The following CMKLR1 variants were observed in gnomAD, a reference collection of about 807,000 sequenced individuals.
CMKLR1 encodes chemerin-like receptor 1.
In CMKLR1, 6 loss-of-function variants were observed where a neutral mutation model predicts 8.2. The ratio of observed to expected loss-of-function variants is 0.73; its 90% CI spans 0.40 to 1.44. The LOEUF is 1.44. CMKLR1 is among the 40% of genes most tolerant of loss of function. CMKLR1 has a pLI of 0.02. For missense variants in CMKLR1, 429 were observed against 478.0 expected (o/e 0.90, Z 0.96); for synonymous variants, 178 against 181.2 (o/e 0.98, Z 0.14).
intron 2 of CMKLR1, among the ~76,000 whole-genome samples, chr12:108,314,001 C>T (rs773876380): frequency 3.3e-5 from 5 of 152,112 alleles, no homozygotes; most frequent in African/African-American, 1.2e-4. Context: ...CTTTGCCAGC[C>T]GACCCCCACC....
intron 2 of CMKLR1, among the ~76,000 whole-genome samples, chr12:108,327,618 A>G (rs1892008649): frequency 1.3e-5 from 2 of 152,224 alleles, no homozygotes; most frequent in Admixed American, 6.5e-5. Flanking sequence ...AGTGTCTGTG[A>G]AGCCAGCAGG....
chr12:108,329,126 T>A (rs187914005), intron 2 of CMKLR1, among the ~76,000 whole-genome samples: 1 of 152,364 alleles, frequency 6.6e-6, no homozygotes, highest in Admixed American at 6.5e-5. Context: ...GTCTGGAATC[T>A]TCCATTGTCC....
chr12:108,302,019 G>C (rs1160458654), intron 2 of CMKLR1, among the ~76,000 whole-genome samples: 1 of 152,078 alleles, frequency 6.6e-6, no homozygotes, highest in African/African-American at 2.4e-5. Flanking sequence ...AACCCAAAAA[G>C]GATTGCTATC....
rs111562549 is a variant in CMKLR1 at position 108,310,252 on chromosome 12, T to C, written c.-73-16588A>G. The stretch of plus-strand genomic sequence containing the variant: ...GCTAAGGAAAGAAGAGGGTTTCAGA[T>C]TGTGAGATCCCTGCAAGCCATCAAC... On this transcript the variant is annotated intron_variant, in intron 2 of 3. Transcript: ENST00000550402. 7.0e-3 allele frequency among the ~76,000 whole-genome samples: 1,060 copies of C among 150,388 alleles called. 14 individuals carry two copies. The highest frequency in any genetic ancestry group is 0.024 in the African/African-American group (985 of 40,800).
intron 2 of CMKLR1, among the ~76,000 whole-genome samples, chr12:108,321,655 C>G (rs1183113312): frequency 6.6e-6 from 1 of 152,122 alleles, no homozygotes; most frequent in Non-Finnish European, 1.5e-5. Context: ...GACAGGGATC[C>G]AGATCAGAAC....
At chr12:108,323,059 C>T (rs527901444) in intron 2 of CMKLR1, among the ~76,000 whole-genome samples, 1 of 152,272 alleles carries the variant, frequency 6.6e-6, no homozygotes, top group African/African-American at 2.4e-5. Context: ...CAAAGAAGCC[C>T]AAGAGACCAG....
rs533496184 is a variant in CMKLR1, at chr12:108,317,088, C to A, written c.-74+12907G>T. Among the ~76,000 whole-genome samples, 18 of 152,326 alleles carry A rather than the reference C, an allele frequency of 1.2e-4. No homozygotes were observed. In the East Asian group the frequency reaches 3.5e-3, roughly 29 times the overall value. Reference sequence around the variant, plus strand: ...AAAGGGCTGGGAATACAGGCATGAGCCACTGTACCCAGCCTCAATGTCATT... The same window carrying A: ...AAAGGGCTGGGAATACAGGCATGAGACACTGTACCCAGCCTCAATGTCATT... On this transcript the variant is annotated intron_variant, in intron 2 of 3. Coordinates refer to ENST00000550402, the MANE Select transcript of CMKLR1 (RefSeq NM_001142343.2).
At chr12:108,331,890 T>C (rs776050581) in intron 1 of CMKLR1, among the ~76,000 whole-genome samples, 18 of 152,294 alleles carry the variant, frequency 1.2e-4, no homozygotes, top group Middle Eastern at 6.8e-3. Context: ...TGAAACCCAT[T>C]TGGGACTTCT....
At chr12:108,296,338 C>T (rs1891134291) in intron 2 of CMKLR1, among the ~76,000 whole-genome samples, 1 of 152,236 alleles carries the variant, frequency 6.6e-6, no homozygotes, top group Non-Finnish European at 1.5e-5. Context: ...GGATTAAGTG[C>T]TTGGAACAGG....
intron 2 of CMKLR1, among the ~76,000 whole-genome samples, chr12:108,308,814 T>C (rs1324195648): frequency 1.3e-5 from 2 of 152,146 alleles, no homozygotes; most frequent in East Asian, 1.9e-4. Flanking sequence ...CCTTCCTCCA[T>C]CCTTCCAAGA....
At chr12:108,335,549 T>C (rs1892201269) in intron 1 of CMKLR1, among the ~76,000 whole-genome samples, 2 of 152,250 alleles carry the variant, frequency 1.3e-5, no homozygotes, top group South Asian at 2.1e-4. Context: ...ACCTATTTGT[T>C]ACTGCAGCTA....
chr12:108,307,809 C>A (rs935049403), intron 2 of CMKLR1, among the ~76,000 whole-genome samples: 1 of 152,230 alleles, frequency 6.6e-6, no homozygotes, highest in South Asian at 2.1e-4. Flanking sequence ...GTGGTCCTGG[C>A]TGGGTGACCT....
At chr12:108,311,889 G>A (rs1891589009) in intron 2 of CMKLR1, among the ~76,000 whole-genome samples, 1 of 152,216 alleles carries the variant, frequency 6.6e-6, no homozygotes, top group Non-Finnish European at 1.5e-5. Flanking sequence ...AAACCAACCT[G>A]CTCCCTGTGC....
chr12:108,299,668 T>C (rs1305921167), intron 2 of CMKLR1, among the ~76,000 whole-genome samples: 1 of 151,970 alleles, frequency 6.6e-6, no homozygotes, highest in East Asian at 1.9e-4. Context: ...AGGGGGAAGA[T>C]TTCACATGGA....
intron 2 of CMKLR1, among the ~76,000 whole-genome samples, chr12:108,309,228 T>C (rs1593166996): frequency 6.6e-6 from 1 of 152,220 alleles, no homozygotes. Flanking sequence ...ATGAATATAA[T>C]AGCAGGCAGT....
chr12:108,326,337 C>T (rs1348913186), intron 2 of CMKLR1, among the ~76,000 whole-genome samples: 1 of 152,214 alleles, frequency 6.6e-6, no homozygotes, highest in Non-Finnish European at 1.5e-5. Flanking sequence ...GTCCCCCACC[C>T]TGAGCACTCT....
chr12:108,302,333 G>A (rs900869845), intron 2 of CMKLR1, among the ~76,000 whole-genome samples: 2 of 152,216 alleles, frequency 1.3e-5, no homozygotes, highest in African/African-American at 4.8e-5. Flanking sequence ...GAATATCCAG[G>A]CAGTGCCCCA....
intron 2 of CMKLR1, among the ~76,000 whole-genome samples, chr12:108,324,539 C>T (rs1047683274): frequency 6.6e-6 from 1 of 152,118 alleles, no homozygotes; most frequent in African/African-American, 2.4e-5. Flanking sequence ...ACAGACGAGG[C>T]GCCTCTCCCT....
chr12:108,302,973 T>A (rs999857658), intron 2 of CMKLR1, among the ~76,000 whole-genome samples: 12 of 152,122 alleles, frequency 7.9e-5, no homozygotes, highest in African/African-American at 2.4e-4. Context: ...CCTCCTCTCC[T>A]GAGGTCCAGG....
Sources: allele counts gnomAD v4.1 joint callset (sites outside exome capture counted in the v4.1 genomes callset), GRCh38; gene constraint gnomAD v4.1.1; transcripts MANE v1.5; gene names NCBI Gene and HGNC (gene_info 2026-07-23, HGNC 2026-07-21).